MOB3B: variants seen among roughly 807,000 people sequenced by gnomAD.
The protein encoded by MOB3B is MOB kinase activator-like 2B.
Under a neutral mutation model 18.7 loss-of-function variants are expected in MOB3B, and 7 were observed. The ratio of observed to expected loss-of-function variants is 0.37; its 90% CI spans 0.21 to 0.70. The LOEUF (loss-of-function observed/expected upper bound fraction) is 0.70, where lower values mean the gene tolerates loss of function less well. Ranked by LOEUF, MOB3B falls within the 30% of genes least tolerant of loss-of-function variation. The pLI is 0.52. For synonymous variants in MOB3B, 111 were observed against 99.9 expected, an observed-to-expected ratio of 1.11 and a Z score of -0.66; for missense variants, 253 against 281.3, an observed-to-expected ratio of 0.90 and a Z score of 0.72.
intron 2 of MOB3B, among the ~76,000 whole-genome samples, chr9:27,418,059 T>C (rs1355203259): frequency 1.7e-5 from 2 of 117,662 alleles, no homozygotes; most frequent in Non-Finnish European, 3.2e-5. Context: ...ACCATTGCAC[T>C]CCAGCCTGGG....
intron 1 of MOB3B, among the ~76,000 whole-genome samples, chr9:27,478,865 C>G (rs2131474905): frequency 6.8e-6 from 1 of 146,390 alleles, no homozygotes; most frequent in Middle Eastern, 3.6e-3. Flanking sequence ...CGGTAAATGG[C>G]AGAACACTAG....
At chr9:27,445,869 G>T (rs546201095) in intron 2 of MOB3B, among the ~76,000 whole-genome samples, 3 of 152,072 alleles carry the variant, frequency 2.0e-5, no homozygotes, top group Non-Finnish European at 2.9e-5. Context: ...TATGATCCAG[G>T]GGGTGGGCAA....
intron 1 of MOB3B, among the ~76,000 whole-genome samples, chr9:27,522,794 G>A (rs1440209069): frequency 1.3e-5 from 2 of 151,996 alleles, no homozygotes; most frequent in African/African-American, 4.8e-5. Flanking sequence ...CTCTAGGAAG[G>A]TTGTGTCAAT....
At chr9:27,350,180 G>T (rs761064253) in intron 3 of MOB3B, among the ~76,000 whole-genome samples, 1 of 128,518 alleles carries the variant, frequency 7.8e-6, no homozygotes, top group Non-Finnish European at 1.6e-5. Context: ...TTTCTGATTA[G>T]AAAAGTGACA....
chr9:27,358,867 T>G (rs1388112209), intron 3 of MOB3B, 167 bp downstream of exon 3: 2 of 786,676 alleles, frequency 2.5e-6, no homozygotes, highest in Admixed American at 3.4e-5. Flanking sequence ...AGTGGACATC[T>G]TGGCATCTCC....
intron 1 of MOB3B, among the ~76,000 whole-genome samples, chr9:27,491,455 CATA>C (rs1470191170): frequency 6.6e-6 from 1 of 151,994 alleles, no homozygotes; most frequent in East Asian, 1.9e-4. Flanking sequence ...TTGAATTTGC[CATA>C]ATAAGTCTAT....
chr9:27,440,538 T>C (rs1244828536), intron 2 of MOB3B, among the ~76,000 whole-genome samples: 2 of 152,218 alleles, frequency 1.3e-5, no homozygotes, highest in African/African-American at 4.8e-5. Context: ...TGAATATTTG[T>C]TGCATAAAAT....
At chr9:27,331,583 C>G (rs1335637460) in intron 3 of MOB3B, among the ~76,000 whole-genome samples, 5 of 152,238 alleles carry the variant, frequency 3.3e-5, no homozygotes, top group Admixed American at 3.3e-4. Context: ...GTGCTTTCAT[C>G]TTTGTAGCCC....
Position 27,330,636 on chromosome 9 carries a change from G to T in MOB3B, c.622-20C>A. On this transcript the variant is annotated intron_variant, in intron 3 of 3. Transcript: ENST00000262244. ...TTCTTTCTGGAAAGCAAGGGGAAAA[G>T]GATGGTTAGGAGAAACTATAAGCAG... 1.2e-6 allele frequency: 2 copies of T among 1,614,044 alleles called. No individual in the cohort carries two copies. Among genetic ancestry groups the T allele is most frequent in the African/African-American group, 1.3e-5 (1 of 75,042 alleles).
intron 1 of MOB3B, among the ~76,000 whole-genome samples, chr9:27,486,010 T>G (rs1206096890): frequency 6.6e-6 from 1 of 152,250 alleles, no homozygotes; most frequent in Non-Finnish European, 1.5e-5. Flanking sequence ...ATGAAAGATA[T>G]AACTCTTCTC....
intron 2 of MOB3B, among the ~76,000 whole-genome samples, chr9:27,400,049 C>T (rs1202806582): frequency 6.6e-6 from 1 of 152,162 alleles, no homozygotes; most frequent in Non-Finnish European, 1.5e-5. Context: ...TTACAGCTGC[C>T]TCCTGCCTGT....
intron 3 of MOB3B, among the ~76,000 whole-genome samples, chr9:27,343,175 C>T (rs1479945281): frequency 6.6e-6 from 1 of 151,238 alleles, no homozygotes; most frequent in Non-Finnish European, 1.5e-5. Context: ...ATAACTTTAC[C>T]CCCAACCCCG....
intron 2 of MOB3B, among the ~76,000 whole-genome samples, chr9:27,376,005 A>T (rs1356093351): frequency 1.3e-5 from 2 of 152,224 alleles, no homozygotes; most frequent in African/African-American, 4.8e-5. Context: ...CCATAATCCC[A>T]TCAAGAAATA....
chr9:27,327,874 C>A lies in MOB3B; in HGVS notation c.*2713G>T, dbSNP rs1281639470. Reference sequence around the variant, plus strand: ...AATATGATGAAGTATTTTACATTTTCATGATGTCTGCAACTTATTTTCAGA... The same window carrying A: ...AATATGATGAAGTATTTTACATTTTAATGATGTCTGCAACTTATTTTCAGA... On this transcript the variant is annotated 3_prime_UTR_variant, in exon 4 of 4. Coordinates refer to ENST00000262244, the MANE Select transcript of MOB3B (RefSeq NM_024761.5). 2 of 152,138 alleles carry A rather than the reference C, an allele frequency of 1.3e-5. No individual in the cohort carries two copies. The highest frequency in any genetic ancestry group is 3.9e-4 in the East Asian group (2 of 5,174). The allele number at this position is 152,138 out of a possible 1,614,324, so 9.4% of individuals were successfully genotyped here.
intron 1 of MOB3B, among the ~76,000 whole-genome samples, chr9:27,505,738 CA>C (rs1820048543): frequency 6.6e-6 from 1 of 152,132 alleles, no homozygotes; most frequent in Non-Finnish European, 1.5e-5. Flanking sequence ...TCTCTTGCAC[CA>C]GCCCTTGGAT....
intron 2 of MOB3B, among the ~76,000 whole-genome samples, chr9:27,428,209 G>A (rs1563866332): frequency 6.6e-6 from 1 of 152,096 alleles, no homozygotes; most frequent in Non-Finnish European, 1.5e-5. Flanking sequence ...TAATGTCCTT[G>A]TGATCAAGGA....
At chr9:27,348,271 T>A (rs1446209385) in intron 3 of MOB3B, among the ~76,000 whole-genome samples, 2 of 152,046 alleles carry the variant, frequency 1.3e-5, no homozygotes, top group Admixed American at 6.5e-5. Context: ...AAGAAAAACA[T>A]CACCAGTTTA....
At chr9:27,431,871 T>A (rs1479345647) in intron 2 of MOB3B, among the ~76,000 whole-genome samples, 2 of 152,192 alleles carry the variant, frequency 1.3e-5, no homozygotes, top group African/African-American at 2.4e-5. Context: ...TGTATACAAC[T>A]GATCAACATG....
chr9:27,475,590 T>A (rs928537171), intron 1 of MOB3B, among the ~76,000 whole-genome samples: 1 of 152,224 alleles, frequency 6.6e-6, no homozygotes, highest in African/African-American at 2.4e-5. Flanking sequence ...ATATCTGTAT[T>A]GATATGAAAA....
Sources: allele counts gnomAD v4.1 joint callset (sites outside exome capture counted in the v4.1 genomes callset), GRCh38; gene constraint gnomAD v4.1.1; transcripts MANE v1.5; gene names NCBI Gene and HGNC (gene_info 2026-07-23, HGNC 2026-07-21).